Variants in BMP2K observed in about 807,000 individuals in gnomAD.
The protein encoded by BMP2K is BMP-2-inducible protein kinase.
BMP2K carries 74 observed loss-of-function variants against 116.0 expected under a neutral mutation model. That is an observed-to-expected ratio of 0.64 (90% CI 0.53 to 0.77). BMP2K has a LOEUF of 0.77. Ranked by LOEUF, BMP2K falls within the 30% of genes least tolerant of loss-of-function variation. The pLI, the probability that BMP2K is intolerant of heterozygous loss-of-function variation, is 0.00. For missense variants in BMP2K, 1,365 were observed against 1,403.6 expected (o/e 0.97, Z 0.44); for synonymous variants, 486 against 502.5 (o/e 0.97, Z 0.44).
At chr4:78,879,057 G>A (rs1732775070) in intron 14 of BMP2K, 166 bp downstream of exon 14, 2 of 1,381,168 alleles carry the variant, frequency 1.4e-6, no homozygotes, top group East Asian at 2.9e-5. Context: ...ATTATGTTGT[G>A]TGCATTAGAA....
intron 1 of BMP2K, among the ~76,000 whole-genome samples, chr4:78,795,961 A>G (rs1423663662): frequency 6.6e-6 from 1 of 151,640 alleles, no homozygotes; most frequent in Admixed American, 6.6e-5. Flanking sequence ...AACTAGTTCA[A>G]CCATTGTGGA....
At chr4:78,903,388 A>G (rs989020011) in intron 15 of BMP2K, among the ~76,000 whole-genome samples, 1 of 151,904 alleles carries the variant, frequency 6.6e-6, no homozygotes, top group African/African-American at 2.4e-5. Flanking sequence ...AGCTTCTTGA[A>G]GTCTGGTATT....
At chr4:78,875,697 G>A (rs1278792575) in intron 13 of BMP2K, among the ~76,000 whole-genome samples, 1 of 152,196 alleles carries the variant, frequency 6.6e-6, no homozygotes, top group Non-Finnish European at 1.5e-5. Flanking sequence ...GTCCTCTGAA[G>A]GCTTGGCTGG....
At chr4:78,833,836 A>C in intron 3 of BMP2K, 149 bp downstream of exon 3, 1 of 596,648 alleles carries the variant, frequency 1.7e-6, no homozygotes, top group East Asian at 3.2e-5. Context: ...AATATTGTTA[A>C]AACATTATTT....
intron 1 of BMP2K, among the ~76,000 whole-genome samples, chr4:78,803,472 T>A (rs1201572758): frequency 6.6e-6 from 1 of 152,150 alleles, no homozygotes; most frequent in Non-Finnish European, 1.5e-5. Flanking sequence ...CTCAGCTTAC[T>A]GCAACCTCTG....
intron 1 of BMP2K, among the ~76,000 whole-genome samples, chr4:78,784,762 G>A (rs1048056759): frequency 2.0e-5 from 3 of 152,118 alleles, no homozygotes; most frequent in African/African-American, 4.8e-5. Context: ...CTTCTTGGAC[G>A]CATCTATCGG....
intron 3 of BMP2K, among the ~76,000 whole-genome samples, chr4:78,839,965 A>G (rs1730679520): frequency 6.6e-6 from 1 of 152,186 alleles, no homozygotes. Flanking sequence ...CACACCCAGA[A>G]TCAGTACTTT....
chr4:78,826,505 T>C (rs1048895199), intron 2 of BMP2K, among the ~76,000 whole-genome samples: 3 of 152,004 alleles, frequency 2.0e-5, no homozygotes, highest in Admixed American at 2.0e-4. Context: ...GCCTGGCCTG[T>C]TTTGTTTTCT....
Position 78,871,005 on chromosome 4 carries a change from A to T in BMP2K, c.1454A>T (p.Gln485Leu). ...QQQQQQQQQQ[Q>L]QHHHHHHHHL... Reference sequence around the variant, plus strand: ...CAACAGCAGCAGCAGCAGCAGCAGCAGCAGCACCACCACCACCACCACCAC... The same window carrying T: ...CAACAGCAGCAGCAGCAGCAGCAGCTGCAGCACCACCACCACCACCACCAC... The change falls in exon 11 of 16, where the codon CAG becomes CTG. Residue 485 changes from glutamine (Q) to leucine (L), a missense_variant. By Grantham distance (113) the Gln-to-Leu change is moderately radical. Transcript: ENST00000502613. The T allele has an allele frequency of 3.8e-6, 6 of 1,591,056 alleles. No homozygotes were observed. The highest frequency in any genetic ancestry group is 5.2e-6 in the Non-Finnish European group (6 of 1,164,914).
chr4:78,801,165 G>A (rs575880219), intron 1 of BMP2K, among the ~76,000 whole-genome samples: 1 of 152,132 alleles, frequency 6.6e-6, no homozygotes, highest in South Asian at 2.1e-4. Flanking sequence ...TGCTTCTATT[G>A]TAGACATGAT....
chr4:78,796,341 A>T (rs1033088803), intron 1 of BMP2K, among the ~76,000 whole-genome samples: 2 of 139,106 alleles, frequency 1.4e-5, no homozygotes, highest in South Asian at 2.3e-4. Flanking sequence ...AACAATGAGA[A>T]CACATGGACA....
At chr4:78,831,955 G>C (rs182630703) in intron 2 of BMP2K, among the ~76,000 whole-genome samples, 1 of 152,128 alleles carries the variant, frequency 6.6e-6, no homozygotes, top group East Asian at 1.9e-4. Context: ...AGACACAGGT[G>C]CATATATATA....
At chr4:78,825,911 T>G in intron 1 of BMP2K, 126 bp from the exon 2 acceptor site, 1 of 692,794 alleles carries the variant, frequency 1.4e-6, no homozygotes, top group Non-Finnish European at 2.4e-6. Flanking sequence ...TAGTAGCTTA[T>G]TGCACTTGTT....
At chr4:78,788,527 A>C (rs1027813040) in intron 1 of BMP2K, among the ~76,000 whole-genome samples, 3 of 152,058 alleles carry the variant, frequency 2.0e-5, no homozygotes, top group Admixed American at 6.6e-5. Flanking sequence ...TCTTTGGTAA[A>C]TTTTCATCTT....
intron 15 of BMP2K, among the ~76,000 whole-genome samples, chr4:78,898,497 TA>T (rs1553921371): frequency 1.3e-5 from 2 of 150,782 alleles, no homozygotes; most frequent in Non-Finnish European, 3.0e-5. Context: ...GTGGAGGTAA[TA>T]GGTAGAAATG....
In BMP2K at chr4:78,865,620, C is replaced by T. The variant is rs761895462; in HGVS notation, c.1131C>T (p.Asn377=). 13 of 1,614,114 alleles carry T rather than the reference C, an allele frequency of 8.1e-6. No homozygotes were observed. The highest frequency in any genetic ancestry group is 1.1e-5 in the South Asian group (1 of 91,084). Residue 377 remains asparagine, a synonymous_variant, in exon 10 of 16, where the codon AAC becomes AAT. Transcript: ENST00000502613. ...CACCAAGACAAAGACCAAAGGCCAA[C>T]TCTGCTACTACTGCCACTCCCAGTG... is the stretch of plus-strand genomic sequence containing the variant. ...SIAPRQRPKA[N]SATTATPSVL...
intron 3 of BMP2K, 97 bp downstream of exon 3, chr4:78,833,784 C>G: frequency 5.3e-6 from 4 of 751,688 alleles, no homozygotes; most frequent in Non-Finnish European, 8.9e-6. Flanking sequence ...CTAACTAATT[C>G]TAGTCACTTA....
intron 15 of BMP2K, among the ~76,000 whole-genome samples, chr4:78,893,688 A>G (rs1251966235): frequency 2.0e-5 from 3 of 152,154 alleles, no homozygotes; most frequent in East Asian, 3.9e-4. Flanking sequence ...TCAGCATCCC[A>G]TGTAGCTGGG....
chr4:78,879,230 A>G, intron 14 of BMP2K: 1 of 1,028,444 alleles, frequency 9.7e-7, no homozygotes, highest in Non-Finnish European at 1.2e-6. Flanking sequence ...ATTTTGCCTT[A>G]CTAATGATTT....
Sources: allele counts gnomAD v4.1 joint callset (sites outside exome capture counted in the v4.1 genomes callset), GRCh38; gene constraint gnomAD v4.1.1; transcripts MANE v1.5; gene names NCBI Gene and HGNC (gene_info 2026-07-23, HGNC 2026-07-21).